Variants in SOX6 observed in about 807,000 individuals in gnomAD.
The protein encoded by SOX6 is transcription factor SOX-6.
SOX6 carries 11 observed loss-of-function variants against 97.8 expected under a neutral mutation model. The ratio of observed to expected loss-of-function variants is 0.11; its 90% CI spans 0.07 to 0.19. The LOEUF (loss-of-function observed/expected upper bound fraction) is 0.19. Among genes scored for constraint, SOX6 ranks in the 10% least tolerant of loss-of-function variants. The pLI is 1.00. For missense variants in SOX6, 810 were observed against 1,039.5 expected, an observed-to-expected ratio of 0.78 and a Z score of 3.04; for synonymous variants, 360 against 371.4, an observed-to-expected ratio of 0.97 and a Z score of 0.35.
intron 3 of SOX6, among the ~76,000 whole-genome samples, chr11:16,676,772 C>A (rs932050848): frequency 6.6e-6 from 1 of 152,148 alleles, no homozygotes; most frequent in African/African-American, 2.4e-5. Flanking sequence ...AAATGGGCTT[C>A]GTATATGTTG....
At chr11:16,475,989 C>T (rs1860238748) in intron 1 of SOX6, among the ~76,000 whole-genome samples, 5 of 152,038 alleles carry the variant, frequency 3.3e-5, no homozygotes, top group Admixed American at 1.3e-4. Flanking sequence ...AAATTATTCA[C>T]GTGTATATAG....
At chr11:16,114,169 T>A (rs982081738) in intron 6 of SOX6, among the ~76,000 whole-genome samples, 3 of 152,192 alleles carry the variant, frequency 2.0e-5, no homozygotes, top group African/African-American at 7.2e-5. Flanking sequence ...CTATGATTGT[T>A]TAAAAGTCAA....
intron 2 of SOX6, among the ~76,000 whole-genome samples, chr11:16,721,324 A>G (rs1473547854): frequency 2.6e-5 from 4 of 152,120 alleles, no homozygotes; most frequent in Admixed American, 6.5e-5. Context: ...CTCTTTGCTG[A>G]TGGCTATGGG....
chr11:16,184,225 G>A (rs955838737), intron 5 of SOX6, among the ~76,000 whole-genome samples: 2 of 152,020 alleles, frequency 1.3e-5, no homozygotes, highest in African/African-American at 4.8e-5. Context: ...GGAAATCATG[G>A]GATTTTAGAA....
rs181419322 is a variant in SOX6 at position 16,154,501 on chromosome 11, C to T, written c.777+29385G>A. On this transcript the variant is annotated intron_variant, in intron 6 of 15. Coordinates refer to ENST00000683767, the MANE Select transcript of SOX6 (RefSeq NM_001367873.1). ...AATCAGCTATTGATGCTTCTTTCTG[C>T]TCTATTGTGCTCCCATTTTGCCTTT... Among the ~76,000 whole-genome samples, 10 of 152,150 alleles carry T rather than the reference C, an allele frequency of 6.6e-5. No homozygotes were observed. In the East Asian group the frequency reaches 1.9e-3, roughly 29 times the overall value.
At position 16,010,390 on chromosome 11, in the gene SOX6, C is replaced by T. The variant is rs530258234; in HGVS notation, c.1732+4552G>A. On this transcript the variant is annotated intron_variant, in intron 13 of 15. Transcript: ENST00000683767. ...TCTGATCCAGGGTCCAACAGTCTGG[C>T]CAAATATAATCCCTTTCAGAGCTCA... Among the ~76,000 whole-genome samples, 27 of 152,070 alleles carry T rather than the reference C, an allele frequency of 1.8e-4. No homozygotes were observed. In the South Asian group the frequency reaches 5.6e-3, roughly 32 times the overall value.
chr11:16,637,247 G>A (rs566729588), intron 3 of SOX6, among the ~76,000 whole-genome samples: 1 of 152,090 alleles, frequency 6.6e-6, no homozygotes. Flanking sequence ...TTGAGATGCA[G>A]TCTTGCTCTA....
At chr11:16,373,373 T>A (rs1245093199) in intron 1 of SOX6, among the ~76,000 whole-genome samples, 1 of 152,132 alleles carries the variant, frequency 6.6e-6, no homozygotes, top group Non-Finnish European at 1.5e-5. Flanking sequence ...TCTGTCCCAC[T>A]GTTTCAGATG....
intron 4 of SOX6, among the ~76,000 whole-genome samples, chr11:16,522,489 A>C (rs1406484009): frequency 2.0e-5 from 3 of 152,206 alleles, no homozygotes; most frequent in Non-Finnish European, 2.9e-5. Context: ...AGCACTAAAC[A>C]TGGAAAGGAA....
intron 4 of SOX6, among the ~76,000 whole-genome samples, chr11:16,579,751 A>G (rs1848015059): frequency 6.6e-6 from 1 of 152,098 alleles, no homozygotes; most frequent in Admixed American, 6.6e-5. Context: ...AATTGCTACG[A>G]ACAAGCGGTG....
intron 3 of SOX6, among the ~76,000 whole-genome samples, chr11:16,294,151 T>C (rs1854997958): frequency 1.3e-5 from 2 of 152,060 alleles, no homozygotes; most frequent in African/African-American, 2.4e-5. Context: ...AGCATGGCCA[T>C]ATTTATGCAA....
At chr11:16,522,057 C>T (rs1024705362) in intron 4 of SOX6, among the ~76,000 whole-genome samples, 1 of 152,188 alleles carries the variant, frequency 6.6e-6, no homozygotes, top group Non-Finnish European at 1.5e-5. Context: ...AAACACTCTG[C>T]AGGATATTAT....
chr11:15,973,643 C>G (rs1369614501), intron 15 of SOX6, among the ~76,000 whole-genome samples: 1 of 152,216 alleles, frequency 6.6e-6, no homozygotes, highest in Non-Finnish European at 1.5e-5. Context: ...ATGTAAATGT[C>G]TACATATTTC....
intron 1 of SOX6, among the ~76,000 whole-genome samples, chr11:16,415,644 A>G (rs936353917): frequency 1.9e-4 from 29 of 152,314 alleles, no homozygotes; most frequent in African/African-American, 7.0e-4. Context: ...CATATTGTAT[A>G]CCGATATTGA....
At chr11:16,313,092 A>T (rs1855654490) in intron 3 of SOX6, 1 of 152,200 alleles carries the variant, frequency 6.6e-6, no homozygotes, top group Non-Finnish European at 1.5e-5. Flanking sequence ...GGCACTTCAG[A>T]TGTAGCACCC....
intron 15 of SOX6, 74 bp downstream of exon 15, chr11:15,986,130 A>G (rs1853829733): frequency 1.5e-6 from 2 of 1,337,030 alleles, no homozygotes; most frequent in Non-Finnish European, 1.1e-6. Flanking sequence ...CTTCCCAAAC[A>G]TACTGCCAGT....
At chr11:16,432,597 G>A (rs898715152) in intron 1 of SOX6, among the ~76,000 whole-genome samples, 4 of 151,930 alleles carry the variant, frequency 2.6e-5, no homozygotes, top group Admixed American at 6.6e-5. Flanking sequence ...TTTTTACTAC[G>A]TTATTTTTCT....
chr11:15,982,037 A>T (rs1292822749), intron 15 of SOX6, among the ~76,000 whole-genome samples: 1 of 151,894 alleles, frequency 6.6e-6, no homozygotes, highest in African/African-American at 2.4e-5. Context: ...AGGAATAAAG[A>T]TTGCCATGTA....
At chr11:16,484,706 G>A (rs1318909208) in intron 4 of SOX6, 17 of 577,696 alleles carry the variant, frequency 2.9e-5, no homozygotes, top group South Asian at 2.5e-4. Context: ...ACCCAGAACC[G>A]TGCCTAGTTC....
Sources: gnomAD v4.1 joint callset for allele counts (sites outside exome capture counted in the v4.1 genomes callset) on GRCh38, gnomAD v4.1.1 for gene constraint, MANE v1.5 for transcripts, NCBI Gene and HGNC (gene_info 2026-07-23, HGNC 2026-07-21) for gene names.